Variants in KCNIP1 observed in about 807,000 individuals in gnomAD.
KCNIP1 encodes the protein A-type potassium channel modulatory protein KCNIP1.
Under a neutral mutation model 33.0 loss-of-function variants are expected in KCNIP1, and 18 were observed. The observed-to-expected ratio is 0.55, with a 90% confidence interval of 0.38 to 0.81. The LOEUF (loss-of-function observed/expected upper bound fraction) is 0.81. Among genes scored for constraint, KCNIP1 ranks in the 30% least tolerant of loss-of-function variants. The pLI, the probability that KCNIP1 is intolerant of heterozygous loss-of-function variation, is 0.00. For missense variants in KCNIP1, 238 were observed against 271.6 expected (o/e 0.88, Z 0.87); for synonymous variants, 93 against 98.3 (o/e 0.95, Z 0.32).
chr5:170,667,935 A>T (rs112410014), intron 1 of KCNIP1, among the ~76,000 whole-genome samples: 1 of 152,196 alleles, frequency 6.6e-6, no homozygotes, highest in African/African-American at 2.4e-5. Flanking sequence ...TGGCTCATGT[A>T]ACTGAACTTC....
At chr5:170,483,360 A>T (rs1757018078) in intron 1 of KCNIP1, among the ~76,000 whole-genome samples, 1 of 152,236 alleles carries the variant, frequency 6.6e-6, no homozygotes, top group Non-Finnish European at 1.5e-5. Context: ...ACAGATCTGC[A>T]GTCACCTTCT....
At chr5:170,364,811 G>T (rs1763613193) in intron 1 of KCNIP1, among the ~76,000 whole-genome samples, 1 of 152,210 alleles carries the variant, frequency 6.6e-6, no homozygotes, top group African/African-American at 2.4e-5. Context: ...ACAGTGTGAT[G>T]TCTTGATACA....
chr5:170,368,117 G>GA (rs536865995), intron 1 of KCNIP1, among the ~76,000 whole-genome samples: 132 of 151,888 alleles, frequency 8.7e-4, no homozygotes, highest in Non-Finnish European at 1.1e-3. Flanking sequence ...GAAGCCAGGA[G>GA]AAAAAAAACT....
intron 1 of KCNIP1, among the ~76,000 whole-genome samples, chr5:170,540,694 T>C (rs987038496): frequency 2.6e-5 from 4 of 152,306 alleles, no homozygotes; most frequent in East Asian, 3.9e-4. Context: ...GGGCTTACCA[T>C]GGTCCCACTC....
intron 1 of KCNIP1, among the ~76,000 whole-genome samples, chr5:170,597,404 A>G (rs1758477635): frequency 6.6e-6 from 1 of 152,030 alleles, no homozygotes; most frequent in Non-Finnish European, 1.5e-5. Context: ...ACTGAGCCTT[A>G]TTTCCTGAGC....
chr5:170,553,362 C>T (rs1756725678), intron 1 of KCNIP1, among the ~76,000 whole-genome samples: 1 of 152,218 alleles, frequency 6.6e-6, no homozygotes, highest in Non-Finnish European at 1.5e-5. Flanking sequence ...TTTTCATAGC[C>T]ACTTCAGAAG....
chr5:170,645,647 C>T (rs1760755181), intron 1 of KCNIP1, among the ~76,000 whole-genome samples: 1 of 152,174 alleles, frequency 6.6e-6, no homozygotes, highest in Non-Finnish European at 1.5e-5. Flanking sequence ...GTAGGCTACT[C>T]ATCCAACAAG....
At chr5:170,609,092 A>C (rs1222427732) in intron 1 of KCNIP1, among the ~76,000 whole-genome samples, 2 of 152,126 alleles carry the variant, frequency 1.3e-5, no homozygotes, top group African/African-American at 4.8e-5. Context: ...CTGGGCAGGA[A>C]AAAGGTGCAA....
chr5:170,365,835 G>A (rs1763646026), intron 1 of KCNIP1, among the ~76,000 whole-genome samples: 1 of 152,218 alleles, frequency 6.6e-6, no homozygotes, highest in African/African-American at 2.4e-5. Flanking sequence ...CAATACCACA[G>A]GTTTATTAAA....
At chr5:170,709,602 A>AT (rs1202569510) in intron 1 of KCNIP1, among the ~76,000 whole-genome samples, 1 of 151,922 alleles carries the variant, frequency 6.6e-6, no homozygotes, top group East Asian at 1.9e-4. Context: ...TAGATTTTCT[A>AT]TTTTTTAATT....
intron 1 of KCNIP1, among the ~76,000 whole-genome samples, chr5:170,669,097 G>A (rs1012908543): frequency 2.1e-4 from 32 of 152,274 alleles, no homozygotes; most frequent in African/African-American, 6.3e-4. Context: ...CACTGATGGT[G>A]TGAATAAAGG....
chr5:170,556,308 C>A (rs527620805), intron 1 of KCNIP1, among the ~76,000 whole-genome samples: 6 of 152,266 alleles, frequency 3.9e-5, no homozygotes, highest in Non-Finnish European at 5.9e-5. Flanking sequence ...TCCAGGGGTT[C>A]CCAAACTCAA....
At chr5:170,644,309 C>A (rs1228129724) in intron 1 of KCNIP1, among the ~76,000 whole-genome samples, 1 of 152,168 alleles carries the variant, frequency 6.6e-6, no homozygotes, top group Non-Finnish European at 1.5e-5. Flanking sequence ...GACATATGCC[C>A]GAGGCAGTCA....
At chr5:170,450,255 C>T (rs1169811382) in intron 1 of KCNIP1, among the ~76,000 whole-genome samples, 2 of 152,100 alleles carry the variant, frequency 1.3e-5, no homozygotes, top group Non-Finnish European at 2.9e-5. Context: ...TGACTCTTTA[C>T]AGCACCCTCC....
At chr5:170,445,912 G>A (rs1756102516) in intron 1 of KCNIP1, among the ~76,000 whole-genome samples, 1 of 152,162 alleles carries the variant, frequency 6.6e-6, no homozygotes, top group Admixed American at 6.5e-5. Flanking sequence ...CCCTTCCCTG[G>A]GTGAAGACAG....
At chr5:170,464,568 A>G (rs922416859) in intron 1 of KCNIP1, among the ~76,000 whole-genome samples, 4 of 152,238 alleles carry the variant, frequency 2.6e-5, no homozygotes, top group African/African-American at 7.2e-5. Context: ...ACAACAATGC[A>G]GTCAAGTGGA....
chr5:170,620,808 T>G (rs879871462), intron 1 of KCNIP1, among the ~76,000 whole-genome samples: 16 of 152,196 alleles, frequency 1.1e-4, no homozygotes, highest in South Asian at 2.1e-4. Flanking sequence ...TCATTTGCCT[T>G]AATTGGATCT....
At chr5:170,694,509 C>A (rs899144161) in intron 1 of KCNIP1, among the ~76,000 whole-genome samples, 2 of 152,158 alleles carry the variant, frequency 1.3e-5, no homozygotes, top group African/African-American at 4.8e-5. Flanking sequence ...CCAGTGAGCC[C>A]CAGACCTTCA....
At chr5:170,395,250 G>A (rs933039864) in intron 1 of KCNIP1, among the ~76,000 whole-genome samples, 1 of 152,168 alleles carries the variant, frequency 6.6e-6, no homozygotes, top group African/African-American at 2.4e-5. Flanking sequence ...CTGCAGCCTT[G>A]CCAGCATCTG....
Sources: allele counts gnomAD v4.1 joint callset (sites outside exome capture counted in the v4.1 genomes callset), GRCh38; gene constraint gnomAD v4.1.1; transcripts MANE v1.5; gene names NCBI Gene and HGNC (gene_info 2026-07-23, HGNC 2026-07-21).